Variants in DNAH9 observed in about 807,000 individuals in gnomAD.
DNAH9 encodes DNAH9 variant protein.
In DNAH9, 345 loss-of-function variants were observed where a neutral mutation model predicts 471.6. That is an observed-to-expected ratio of 0.73 (90% CI 0.67 to 0.80). DNAH9 has a LOEUF of 0.80. Among genes scored for constraint, DNAH9 ranks in the 30% least tolerant of loss-of-function variants. The pLI is 0.00. For missense variants in DNAH9, 5,407 were observed against 5,609.2 expected (o/e 0.96, Z 1.15); for synonymous variants, 2,093 against 2,123.6 (o/e 0.99, Z 0.40).
chr17:11,692,094 C>T (rs933308742), intron 20 of DNAH9, among the ~76,000 whole-genome samples: 5 of 152,160 alleles, frequency 3.3e-5, no homozygotes, highest in African/African-American at 4.8e-5. Context: ...AGCCACTGTG[C>T]CCAGCCTACC....
chr17:11,783,500 A>C (rs1275528216), intron 39 of DNAH9, 146 bp from the exon 40 acceptor site: 11 of 554,454 alleles, frequency 2.0e-5, no homozygotes, highest in Admixed American at 5.9e-5. Context: ...TTATGCTCTT[A>C]TCTCTTCTCA....
intron 50 of DNAH9, among the ~76,000 whole-genome samples, chr17:11,860,419 T>C (rs73980522): frequency 0.023 from 3,509 of 152,330 alleles, 136 homozygotes; most frequent in African/African-American, 0.08. Flanking sequence ...AGGTAAATTT[T>C]CTGCATTGTT....
chr17:11,823,795 T>A (rs544100570), intron 48 of DNAH9, among the ~76,000 whole-genome samples: 95 of 152,158 alleles, frequency 6.2e-4, no homozygotes, highest in African/African-American at 2.2e-3. Context: ...CTGGGCATGG[T>A]GGCGGGTGCC....
intron 50 of DNAH9, among the ~76,000 whole-genome samples, chr17:11,857,932 A>G (rs2108444): frequency 0.91 from 137,955 of 152,174 alleles, 63,026 homozygotes; most frequent in Non-Finnish European, 0.95. Context: ...AGATGCCAGC[A>G]GTATGCTTCC....
Position 11,738,917 on chromosome 17 carries a change from A to G in DNAH9, c.5852A>G (p.Gln1951Arg). Reference sequence around the variant, plus strand: ...CAAGATGCGATTAGAGATAAGAAGCAGTGGTTCAGCTTCCTTGGGGAGGAG... The same window carrying G: ...CAAGATGCGATTAGAGATAAGAAGCGGTGGTTCAGCTTCCTTGGGGAGGAG... ...SIQDAIRDKK[Q>R]WFSFLGEEIS... The change falls in exon 29 of 69, where the codon CAG becomes CGG. Residue 1951 changes from glutamine (Q) to arginine (R), a missense_variant. Physicochemically the swap from Gln to Arg is conservative, Grantham distance 43 (BLOSUM62 1). Coordinates refer to ENST00000262442, the MANE Select transcript of DNAH9 (RefSeq NM_001372.4). The G allele has an allele frequency of 1.2e-6, 2 of 1,614,146 alleles. No homozygotes were observed. The highest frequency in any genetic ancestry group is 1.7e-6 in the Non-Finnish European group (2 of 1,179,950).
intron 1 of DNAH9, among the ~76,000 whole-genome samples, chr17:11,604,787 A>G (rs1292603093): frequency 6.6e-6 from 1 of 151,868 alleles, no homozygotes; most frequent in East Asian, 1.9e-4. Context: ...GCCATTTCTT[A>G]CCATCTCCCC....
intron 12 of DNAH9, among the ~76,000 whole-genome samples, chr17:11,647,987 T>A (rs1472272665): frequency 6.6e-6 from 1 of 152,198 alleles, no homozygotes; most frequent in Non-Finnish European, 1.5e-5. Flanking sequence ...TGAATAGTGC[T>A]GAGGTTGAGA....
At chr17:11,647,991 G>A (rs914945108) in intron 12 of DNAH9, among the ~76,000 whole-genome samples, 9 of 152,222 alleles carry the variant, frequency 5.9e-5, no homozygotes, top group African/African-American at 2.2e-4. Context: ...TAGTGCTGAG[G>A]TTGAGAAACT....
At chr17:11,671,357 A>G (rs551322372) in intron 17 of DNAH9, among the ~76,000 whole-genome samples, 9 of 152,302 alleles carry the variant, frequency 5.9e-5, no homozygotes, top group African/African-American at 1.9e-4. Flanking sequence ...AGGACGGTGT[A>G]TGGCATACAG....
intron 11 of DNAH9, among the ~76,000 whole-genome samples, chr17:11,645,873 C>CTTTTTTTTTTTTTTT (rs1205010044): frequency 7.2e-6 from 1 of 138,732 alleles, no homozygotes; most frequent in African/African-American, 2.9e-5. Context: ...TTCTCTTTTT[C>CTTTTTTTTTTTTTTT]TTTTTCTTTT....
chr17:11,843,863 G>GTGTGTGTGTGTATGTATATATATA (rs1253794533), intron 49 of DNAH9, among the ~76,000 whole-genome samples: 1 of 46,466 alleles, frequency 2.2e-5, no homozygotes, highest in African/African-American at 8.1e-5. Flanking sequence ...GTGTGTGTGT[G>GTGTGTGTGTGTATGTATATATATA]TATATATATA....
intron 49 of DNAH9, among the ~76,000 whole-genome samples, chr17:11,842,569 C>G (rs968559660): frequency 6.6e-6 from 1 of 152,188 alleles, no homozygotes; most frequent in Non-Finnish European, 1.5e-5. Context: ...GACAGTGCAG[C>G]CTTCAGTCTG....
intron 28 of DNAH9, among the ~76,000 whole-genome samples, chr17:11,728,476 T>A (rs1022528467): frequency 1.9e-4 from 29 of 150,348 alleles, no homozygotes; most frequent in Non-Finnish European, 3.2e-4. Context: ...GTAAGTGTTA[T>A]GCAAAAGACA....
At position 11,793,599 on chromosome 17, in the gene DNAH9, G is replaced by A. The variant is rs1209751370; in HGVS notation, c.8158G>A (p.Val2720Ile). ...ESNRVYRDKM[V>I]EEKDFDLFDK... ...AAATCGAGTTTATCGGGATAAGATG[G>A]TAGAAGAAAAGGACTTTGATCTTTT... The change falls in exon 42 of 69, where the codon GTA (valine) becomes ATA (isoleucine). Residue 2720 changes from valine (V) to isoleucine (I), a missense_variant. Coordinates refer to ENST00000262442, the MANE Select transcript of DNAH9 (RefSeq NM_001372.4). 1 of 1,613,892 alleles carries A rather than the reference G, an allele frequency of 6.2e-7. No homozygotes were observed. Among genetic ancestry groups the A allele is most frequent in the Admixed American group, 1.7e-5 (1 of 59,998 alleles).
chr17:11,823,523 T>G (rs1469147122), intron 48 of DNAH9, among the ~76,000 whole-genome samples: 9 of 152,238 alleles, frequency 5.9e-5, no homozygotes, highest in Admixed American at 5.9e-4. Context: ...TGTTTTGTCT[T>G]ACTCTGTTAT....
chr17:11,699,258 A>C (rs2074550051), intron 22 of DNAH9, among the ~76,000 whole-genome samples: 1 of 152,036 alleles, frequency 6.6e-6, no homozygotes, highest in African/African-American at 2.4e-5. Flanking sequence ...CAAAAAATAA[A>C]AATAAAAAAA....
At chr17:11,682,164 T>C (rs2074143959) in intron 19 of DNAH9, among the ~76,000 whole-genome samples, 1 of 152,090 alleles carries the variant, frequency 6.6e-6, no homozygotes, top group Non-Finnish European at 1.5e-5. Flanking sequence ...TTTATATATT[T>C]ATATCTTATG....
chr17:11,888,898 A>G (rs968593608), intron 57 of DNAH9, among the ~76,000 whole-genome samples: 2 of 152,234 alleles, frequency 1.3e-5, no homozygotes, highest in African/African-American at 4.8e-5. Context: ...CCAACGTGGC[A>G]GGAACCATTC....
chr17:11,653,575 G>A (rs1157776421), intron 14 of DNAH9, among the ~76,000 whole-genome samples: 1 of 152,120 alleles, frequency 6.6e-6, no homozygotes, highest in Non-Finnish European at 1.5e-5. Flanking sequence ...ATTATAAATG[G>A]CCACCAGCTC....
Sources: gnomAD v4.1 joint callset for allele counts (sites outside exome capture counted in the v4.1 genomes callset) on GRCh38, gnomAD v4.1.1 for gene constraint, MANE v1.5 for transcripts, NCBI Gene and HGNC (gene_info 2026-07-23, HGNC 2026-07-21) for gene names.